MS4A10: variants seen among roughly 807,000 people sequenced by gnomAD.
The protein encoded by MS4A10 is membrane-spanning 4-domains subfamily A member 10.
In MS4A10, 27 loss-of-function variants were observed where a neutral mutation model predicts 27.7. The observed-to-expected ratio is 0.98, with a 90% CI of 0.72 to 1.35. The LOEUF (loss-of-function observed/expected upper bound fraction) is 1.35. MS4A10 is among the 40% of genes most tolerant of loss of function. The pLI is 0.00. For missense variants in MS4A10, 338 were observed against 324.7 expected, an observed-to-expected ratio of 1.04 and a Z score of -0.32; for synonymous variants, 139 against 131.2, an observed-to-expected ratio of 1.06 and a Z score of -0.41.
intron 1 of MS4A10, among the ~76,000 whole-genome samples, chr11:60,788,379 C>T (rs1056690193): frequency 3.9e-5 from 6 of 152,244 alleles, no homozygotes; most frequent in South Asian, 2.1e-4. Context: ...TCACTATCTC[C>T]GTGGACAAGC....
chr11:60,797,702 G>C (rs768191371), intron 6 of MS4A10, among the ~76,000 whole-genome samples: 1 of 152,164 alleles, frequency 6.6e-6, no homozygotes, highest in Non-Finnish European at 1.5e-5. Context: ...CCTCTCTGCC[G>C]TGTGACCAGA....
Position 60,799,963 on chromosome 11 carries a change from C to G in MS4A10, c.*54C>G. 3 of 1,612,690 alleles carry G rather than the reference C, an allele frequency of 1.9e-6. No individual in the cohort carries two copies. The highest frequency in any genetic ancestry group is 2.5e-6 in the Non-Finnish European group (3 of 1,179,100). On this transcript the variant is annotated 3_prime_UTR_variant, in exon 8 of 8. Transcript: ENST00000308287. ...TGGTTGGAGCATAGCCCCTGCTCTCCCAAAGTTGCACTTTCACTGGGAAGA... is the reference window on the plus strand; with the variant it reads ...TGGTTGGAGCATAGCCCCTGCTCTCGCAAAGTTGCACTTTCACTGGGAAGA...
rs1015876873 is a variant in MS4A10, at chr11:60,798,311, G to A, written c.604-85G>A. The A allele has an allele frequency of 3.3e-5, 35 of 1,058,448 alleles. No homozygotes were observed. In the African/African-American group the frequency reaches 3.6e-4, roughly 11 times the overall value. 65.6% of individuals were successfully genotyped at this position (1,058,448 alleles called of 1,614,324 possible). The stretch of plus-strand genomic sequence containing the variant: ...CATTCATGGAGAACTTGAGTCTTCA[G>A]AAGTGAACTAGCAGAGAAGTGTTTC... On this transcript the variant is annotated intron_variant, in intron 6 of 7. Coordinates refer to ENST00000308287, the MANE Select transcript of MS4A10 (RefSeq NM_206893.4).
intron 1 of MS4A10, among the ~76,000 whole-genome samples, chr11:60,788,486 C>T (rs971880197): frequency 6.6e-6 from 1 of 152,142 alleles, no homozygotes; most frequent in Non-Finnish European, 1.5e-5. Flanking sequence ...CCCAGGTGTG[C>T]AGAGTCTAGG....
intron 1 of MS4A10, among the ~76,000 whole-genome samples, chr11:60,789,383 A>C (rs889764700): frequency 6.6e-6 from 1 of 152,168 alleles, no homozygotes; most frequent in African/African-American, 2.4e-5. Context: ...TTTCTCACCA[A>C]GTCCCAGGCA....
At position 60,800,849 on chromosome 11, in the gene MS4A10, T is replaced by A. The variant is rs545196; in HGVS notation, c.*940T>A. The A allele has an allele frequency of 0.97, 144,059 of 147,762 alleles. 70,340 individuals are homozygous for A. Among genetic ancestry groups the A allele is most frequent in the Middle Eastern group, 1 (292 of 292 alleles). 9.2% of individuals were successfully genotyped at this position (147,762 alleles called of 1,614,324 possible). On this transcript the variant is annotated 3_prime_UTR_variant, in exon 8 of 8. Transcript: ENST00000308287. Reference sequence around the variant, plus strand: ...CACTCTGTCACCCAGGCTGGAGTGCTGTGGTGCAATCTCGGCTCACTGCAA... The same window carrying A: ...CACTCTGTCACCCAGGCTGGAGTGCAGTGGTGCAATCTCGGCTCACTGCAA...
At chr11:60,798,554 C>A in intron 7 of MS4A10, 40 bp downstream of exon 7, 1 of 1,472,896 alleles carries the variant, frequency 6.8e-7, no homozygotes, top group Non-Finnish European at 9.5e-7. Flanking sequence ...CCTTCAGAAC[C>A]CACGCTTGGC....
chr11:60,787,141 G>A (rs954870042), intron 1 of MS4A10, among the ~76,000 whole-genome samples: 1 of 152,146 alleles, frequency 6.6e-6, no homozygotes, highest in East Asian at 1.9e-4. Flanking sequence ...GCAGAGCGCT[G>A]AGGCCCTAGT....
In MS4A10 at chr11:60,795,548, C is replaced by A. The variant is rs999742300; in HGVS notation, c.493-7C>A. ...TCACCCTGCCTTCCTTCCCTCTACC[C>A]TCTCAGGTCCACATCCAGAGGCTGG... On this transcript the variant is annotated splice_region_variant and splice_polypyrimidine_tract_variant and intron_variant, in intron 5 of 7. Coordinates refer to ENST00000308287, the MANE Select transcript of MS4A10 (RefSeq NM_206893.4). The A allele has an allele frequency of 2.6e-6, 4 of 1,529,434 alleles. No homozygotes were observed. The highest frequency in any genetic ancestry group is 2.0e-5 in the Admixed American group (1 of 48,944). The allele number at this position is 1,529,434 out of a possible 1,614,324, so 94.7% of individuals were successfully genotyped here.
intron 5 of MS4A10, 71 bp downstream of exon 5, chr11:60,794,174 T>A: frequency 1.3e-6 from 2 of 1,587,316 alleles, no homozygotes; most frequent in East Asian, 4.5e-5. Context: ...CAACAGGAGG[T>A]TTCCAGCTCA....
rs1854614033 is a variant in MS4A10, at chr11:60,800,499, A to G, written c.*590A>G. On this transcript the variant is annotated 3_prime_UTR_variant, in exon 8 of 8. Transcript: ENST00000308287. ...AGCAGTCTGCTCTCTACTGCCTTAT[A>G]AAATCCCTGTGTGAAGGGATGCTCT... The G allele has an allele frequency of 6.6e-6, 1 of 152,600 alleles. No homozygotes were observed. Among genetic ancestry groups the G allele is most frequent in the Non-Finnish European group, 1.5e-5 (1 of 68,346 alleles). The allele number at this position is 152,600 out of a possible 1,614,324, so 9.5% of individuals were successfully genotyped here. A position where few individuals can be genotyped will look rare whatever the true frequency, so the allele number is the denominator to read the frequency against.
intron 1 of MS4A10, among the ~76,000 whole-genome samples, chr11:60,787,204 T>C (rs866019298): frequency 6.9e-6 from 1 of 144,466 alleles, no homozygotes; most frequent in Non-Finnish European, 1.5e-5. Context: ...GGTCCTGAGC[T>C]GGCTGAGGGG....
At chr11:60,796,275 A>G (rs1854531005) in intron 6 of MS4A10, among the ~76,000 whole-genome samples, 1 of 152,004 alleles carries the variant, frequency 6.6e-6, no homozygotes, top group Non-Finnish European at 1.5e-5. Context: ...ATTTAACTTT[A>G]TCTTCTCAAT....
rs563468670 is a variant in MS4A10 at position 60,790,643 on chromosome 11, T to C, written c.183+125T>C. On this transcript the variant is annotated intron_variant, in intron 2 of 7. Coordinates refer to ENST00000308287, the MANE Select transcript of MS4A10 (RefSeq NM_206893.4). Reference sequence around the variant, plus strand: ...AAGGCTCCAGCTTTCCTGCTGAACATTCATCTGAACTGGAAAAGGCCTTGA... The same window carrying C: ...AAGGCTCCAGCTTTCCTGCTGAACACTCATCTGAACTGGAAAAGGCCTTGA... The C allele has an allele frequency of 2.9e-5, 32 of 1,095,688 alleles. No individual in the cohort carries two copies. In the African/African-American group the frequency reaches 4.6e-4, roughly 16 times the overall value. The allele number at this position is 1,095,688 out of a possible 1,614,324, so 67.9% of individuals were successfully genotyped here.
rs1854622761 is a variant in MS4A10, at chr11:60,800,818, G to T, written c.*909G>T. ...TTTTTTTTTTTTTTTTTTTGAGACGGAGTCTCACTCTGTCACCCAGGCTGG... is the reference window on the plus strand; with the variant it reads ...TTTTTTTTTTTTTTTTTTTGAGACGTAGTCTCACTCTGTCACCCAGGCTGG... On this transcript the variant is annotated 3_prime_UTR_variant, in exon 8 of 8. Coordinates refer to ENST00000308287, the MANE Select transcript of MS4A10 (RefSeq NM_206893.4). The T allele has an allele frequency of 8.2e-6, 1 of 121,278 alleles. No individual in the cohort carries two copies. The highest frequency in any genetic ancestry group is 3.1e-5 in the African/African-American group (1 of 32,734). The allele number at this position is 121,278 out of a possible 1,614,324, so 7.5% of individuals were successfully genotyped here.
intron 3 of MS4A10, among the ~76,000 whole-genome samples, chr11:60,791,884 C>T (rs918018768): frequency 1.3e-5 from 2 of 152,214 alleles, no homozygotes; most frequent in Non-Finnish European, 2.9e-5. Flanking sequence ...CTCATATCCT[C>T]CCAACTGCAA....
rs948586396 is a variant in MS4A10, at chr11:60,800,454, G to A, written c.*545G>A. The A allele has an allele frequency of 6.5e-6, 1 of 153,966 alleles. No individual in the cohort carries two copies. Among genetic ancestry groups the A allele is most frequent in the Non-Finnish European group, 1.4e-5 (1 of 69,254 alleles). The allele number at this position is 153,966 out of a possible 1,614,324, so 9.5% of individuals were successfully genotyped here. On this transcript the variant is annotated 3_prime_UTR_variant, in exon 8 of 8. Transcript: ENST00000308287. ...GCGTGAGCCACTGTGCCCAGCCCAGGTTTTGAAGTTGTCCGAGATAGCAGT... is the reference window on the plus strand; with the variant it reads ...GCGTGAGCCACTGTGCCCAGCCCAGATTTTGAAGTTGTCCGAGATAGCAGT...
At position 60,798,793 on chromosome 11, in the gene MS4A10, C is replaced by T. The variant is rs75917716; in HGVS notation, c.722+279C>T. 5.2e-3 allele frequency among the ~76,000 whole-genome samples: 790 copies of T among 152,362 alleles called. 6 individuals carry two copies. The highest frequency in any genetic ancestry group is 0.015 in the Admixed American group (224 of 15,314). On this transcript the variant is annotated intron_variant, in intron 7 of 7. Transcript: ENST00000308287. ...GAACCTGGGCGCAACCAGGACCCAT[C>T]GCCTTCCCTGCCAGCCTCCAGAGCA...
chr11:60,795,710 A>G, intron 6 of MS4A10, 45 bp downstream of exon 6: 1 of 1,297,702 alleles, frequency 7.7e-7, no homozygotes, highest in Non-Finnish European at 1.1e-6. Context: ...AAATGGGGGC[A>G]TGAGGCAGCA....
Sources: gnomAD v4.1 joint callset for allele counts (sites outside exome capture counted in the v4.1 genomes callset) on GRCh38, gnomAD v4.1.1 for gene constraint, MANE v1.5 for transcripts, NCBI Gene and HGNC (gene_info 2026-07-23, HGNC 2026-07-21) for gene names.